The following FAM131A variants were observed in gnomAD, a reference collection of about 807,000 sequenced individuals.
FAM131A encodes the protein protein FAM131A.
A neutral mutation model predicts 39.2 loss-of-function variants in FAM131A; 24 were observed. The observed-to-expected ratio is 0.61, with a 90% confidence interval of 0.44 to 0.86. The LOEUF is 0.86. FAM131A is among the 40% of genes least tolerant of loss of function. The pLI, the probability that FAM131A is intolerant of heterozygous loss-of-function variation, is 0.00. For synonymous variants in FAM131A, 202 were observed against 206.8 expected (o/e 0.98, Z 0.20); for missense variants, 373 against 481.2 (o/e 0.78, Z 2.10).
In FAM131A at chr3:184,344,681, T is replaced by G; in HGVS notation, c.812T>G (p.Leu271Arg). 1 of 1,612,618 alleles carries G rather than the reference T, an allele frequency of 6.2e-7. No homozygotes were observed. Among genetic ancestry groups the G allele is most frequent in the South Asian group, 1.1e-5 (1 of 91,018 alleles). Residue 271 changes from leucine to arginine, a missense_variant, in exon 6 of 6, where the codon CTG becomes CGG. Physicochemically the swap from Leu to Arg is moderately radical, Grantham distance 102. This residue lies in a region of FAM131A where 152 missense variants were observed against 133.5 expected (regional missense o/e 1.14). Coordinates refer to ENST00000383847, the MANE Select transcript of FAM131A (RefSeq NM_144635.5). The part of the protein sequence containing the change: ...EDGLLGSPAR[L>R]ASQLLGDELL... The stretch of plus-strand genomic sequence containing the variant: ...GGGTTGTTGGGCTCCCCGGCCCGGC[T>G]GGCCTCCCAGCTGCTGGGCGATGAG...
intron 2 of FAM131A, chr3:184,341,193 G>C (rs1727360264): frequency 5.9e-6 from 1 of 168,144 alleles, no homozygotes; most frequent in African/African-American, 2.4e-5. Context: ...GTAATGCTGA[G>C]GTTTGGAGCC....
chr3:184,336,479 A>C (rs1268925113), upstream of FAM131A, among the ~76,000 whole-genome samples: 1 of 151,992 alleles, frequency 6.6e-6, no homozygotes, highest in Non-Finnish European at 1.5e-5. This position sits in a 1 kb window ranked among gnomAD's most constrained non-coding sequence, Gnocchi z 5.5. Flanking sequence ...TTGCGCGCCC[A>C]CACACACACT....
chr3:184,341,490 A>G, intron 2 of FAM131A: 1 of 577,786 alleles, frequency 1.7e-6, no homozygotes. Context: ...AAAGTGGAGG[A>G]TTAGCTGAAG....
At chr3:184,344,366 G>T in intron 5 of FAM131A, 129 bp from the exon 6 acceptor site, 1 of 840,894 alleles carries the variant, frequency 1.2e-6, no homozygotes, top group Non-Finnish European at 1.9e-6. Context: ...GTTGTGACTG[G>T]TTCAAGGTTA....
intron 3 of FAM131A, 74 bp downstream of exon 3, chr3:184,341,891 T>A: frequency 6.4e-7 from 1 of 1,552,004 alleles, no homozygotes; most frequent in Non-Finnish European, 8.9e-7. Flanking sequence ...TGGAACTGTT[T>A]CCTGTGAGTA....
In FAM131A at chr3:184,341,792, T is replaced by C. The variant is rs1560242479; in HGVS notation, c.300T>C (p.Ala100=). The change falls in exon 3 of 6, where the codon GCT becomes GCC. Residue 100 remains alanine (A), a synonymous_variant. Coordinates refer to ENST00000383847, the MANE Select transcript of FAM131A (RefSeq NM_144635.5). Reference sequence around the variant, plus strand: ...GAGCCCTAACTATCCAGGAGATCGCTGCGCTGGCCAGGTCCTCCCTGCATG... The same window carrying C: ...GAGCCCTAACTATCCAGGAGATCGCCGCGCTGGCCAGGTCCTCCCTGCATG... ...SRRALTIQEI[A]ALARSSLHGI... is the part of the protein sequence containing the mutation. 1.9e-6 allele frequency: 3 copies of C among 1,613,986 alleles called. No homozygotes were observed. Among genetic ancestry groups the C allele is most frequent in the Non-Finnish European group, 2.5e-6 (3 of 1,180,038 alleles).
chr3:184,345,124 GTGTT>G lies in FAM131A; in HGVS notation c.*157_*160del. On this transcript the variant is annotated 3_prime_UTR_variant, in exon 6 of 6. Transcript: ENST00000383847. ...TCTCCGTTGTGTGTTTTGCATGAAA[GTGTT>G]TGGAGAGGAGGCAGGGGCTGGGCTG... is the stretch of plus-strand genomic sequence containing the variant. 1.3e-6 allele frequency: 1 copy of G among 783,434 alleles called. No homozygotes were observed. The highest frequency in any genetic ancestry group is 1.9e-5 in the South Asian group (1 of 51,448). The allele number at this position is 783,434 out of a possible 1,614,324, so 48.5% of individuals were successfully genotyped here.
Position 184,344,692 on chromosome 3 carries a change from C to A in FAM131A, c.823C>A (p.Leu275Met). 1 of 1,612,388 alleles carries A rather than the reference C, an allele frequency of 6.2e-7. No individual in the cohort carries two copies. Among genetic ancestry groups the A allele is most frequent in the Non-Finnish European group, 8.5e-7 (1 of 1,179,846 alleles). The change falls in exon 6 of 6, where the codon CTG becomes ATG. Residue 275 changes from leucine (L) to methionine (M), a missense_variant. Leu to Met is a conservative substitution (Grantham distance 15). This residue lies in a region of FAM131A where 152 missense variants were observed against 133.5 expected (regional missense o/e 1.14). Transcript: ENST00000383847. ...LGSPARLASQ[L>M]LGDELLLAKL... ...CTCCCCGGCCCGGCTGGCCTCCCAG[C>A]TGCTGGGCGATGAGCTGCTTCTCGC...
rs776295404 is a variant in FAM131A at position 184,344,581 on chromosome 3, G to A, written c.712G>A (p.Val238Met). ...CTCCCGGCCTGTGCGCCAGGGCTCC[G>A]TGGAGCCTGAGAGCGACTGCTCACA... ...RFSRPVRQGS[V>M]EPESDCSQTV... Residue 238 changes from valine (V) to methionine (M), a missense_variant, in exon 6 of 6, where the codon GTG (valine) becomes ATG (methionine). By Grantham distance (21) the Val-to-Met change is conservative (BLOSUM62 1). Transcript: ENST00000383847. The A allele has an allele frequency of 8.1e-6, 13 of 1,610,618 alleles. No homozygotes were observed. The East Asian group carries it at 8.9e-5, about 11-fold the overall frequency.
At chr3:184,344,364 T>A (rs963071540) in intron 5 of FAM131A, 131 bp from the exon 6 acceptor site, 1 of 789,752 alleles carries the variant, frequency 1.3e-6, no homozygotes, top group Non-Finnish European at 2.0e-6. Context: ...AAGTTGTGAC[T>A]GGTTCAAGGT....
chr3:184,343,025 T>C (rs1417318174), intron 5 of FAM131A, 165 bp downstream of exon 5: 5 of 504,748 alleles, frequency 9.9e-6, no homozygotes, highest in Non-Finnish European at 1.8e-5. Context: ...CTGTCCACAC[T>C]CATGGGTGGG....
chr3:184,343,571 C>T (rs1358145813), intron 5 of FAM131A, among the ~76,000 whole-genome samples: 1 of 152,224 alleles, frequency 6.6e-6, no homozygotes, highest in Non-Finnish European at 1.5e-5. Flanking sequence ...CATCCCATAC[C>T]CCTCCAGTGA....
Position 184,338,422 on chromosome 3 carries a change from G to C in FAM131A, c.124G>C (p.Glu42Gln), listed in dbSNP as rs1432725123. ...CCCCGCTTGGGCTGTGGAGTGGATC[G>C]AACTTCCTCGGGGTCTCTCTCTATC... The part of the protein sequence containing the change: ...SDPAWAVEWI[E>Q]LPRGLSLSSL... Residue 42 changes from glutamate to glutamine, a missense_variant, in exon 2 of 6, where the codon GAA (glutamate) becomes CAA (glutamine). Physicochemically the swap from Glu to Gln is conservative, Grantham distance 29. This residue lies in a region of FAM131A where 221 missense variants were observed against 347.7 expected (regional missense o/e 0.64). Coordinates refer to ENST00000383847, the MANE Select transcript of FAM131A (RefSeq NM_144635.5). 8.7e-6 allele frequency: 13 copies of C among 1,488,396 alleles called. No homozygotes were observed. In the African/African-American group the frequency reaches 9.9e-5, roughly 11 times the overall value. The allele number at this position is 1,488,396 out of a possible 1,614,324, so 92.2% of individuals were successfully genotyped here.
chr3:184,336,843 C>T (rs2108539258), upstream of FAM131A, among the ~76,000 whole-genome samples: 2 of 152,368 alleles, frequency 1.3e-5, no homozygotes, highest in South Asian at 4.1e-4. This position sits in a 1 kb window ranked among gnomAD's most constrained non-coding sequence, Gnocchi z 5.5. Context: ...CCTGCCTGGG[C>T]CTCGGTTTCC....
chr3:184,344,860 C>G lies in FAM131A; in HGVS notation c.991C>G (p.Leu331Val). The change falls in exon 6 of 6, where the codon CTC becomes GTC. Residue 331 changes from leucine (L) to valine (V), a missense_variant. Around this residue, in one of 2 missense-constraint regions of FAM131A, gnomAD observed 152 missense variants for 133.5 expected, o/e 1.14. Coordinates refer to ENST00000383847, the MANE Select transcript of FAM131A (RefSeq NM_144635.5). ...AGCCCCCTGCAAGGACTGCCAGCCA[C>G]TCTGCCCACCACTAACGGGCAGCTG... ...EPAPCKDCQPLCPPLTGSWER... is the reference protein window; with the variant it reads ...EPAPCKDCQPVCPPLTGSWER... 6.2e-7 allele frequency: 1 copy of G among 1,611,206 alleles called. No individual in the cohort carries two copies. Among genetic ancestry groups the G allele is most frequent in the Non-Finnish European group, 8.5e-7 (1 of 1,179,864 alleles).
At position 184,341,549 on chromosome 3, in the gene FAM131A, A is replaced by G. The variant is rs186328349; in HGVS notation, c.232-175A>G. 243 of 611,732 alleles carry G rather than the reference A, an allele frequency of 4.0e-4. 2 individuals carry two copies. The African/African-American group carries it at 4.1e-3, about 10-fold the overall frequency. The allele number at this position is 611,732 out of a possible 1,614,324, so 37.9% of individuals were successfully genotyped here. On this transcript the variant is annotated intron_variant, in intron 2 of 5. Coordinates refer to ENST00000383847, the MANE Select transcript of FAM131A (RefSeq NM_144635.5). ...AATCTCCATTGCTTTCTGGGAGGAC[A>G]TAATTCACCTGTCCTAGCTTCTTAT...
chr3:184,344,251 C>T (rs1727508538), intron 5 of FAM131A, among the ~76,000 whole-genome samples: 1 of 152,194 alleles, frequency 6.6e-6, no homozygotes, highest in Non-Finnish European at 1.5e-5. Context: ...TCCCAAAGTG[C>T]TGGGATTACA....
rs909044850 is a variant in FAM131A, at chr3:184,338,368, C to A, written c.89-19C>A. ...CAGAAGTAGGGGCACAGCTCAACAG[C>A]CTTTCCCCTTCCTCTCAGTGTCCTC... On this transcript the variant is annotated intron_variant, in intron 1 of 5. Transcript: ENST00000383847. 1.4e-6 allele frequency: 2 copies of A among 1,430,258 alleles called. No homozygotes were observed. Among genetic ancestry groups the A allele is most frequent in the Non-Finnish European group, 1.8e-6 (2 of 1,094,898 alleles). 88.6% of individuals were successfully genotyped at this position (1,430,258 alleles called of 1,614,324 possible).
chr3:184,345,766 T>C lies in FAM131A; in HGVS notation c.*796T>C. 1 of 584,852 alleles carries C rather than the reference T, an allele frequency of 1.7e-6. No homozygotes were observed. The allele number at this position is 584,852 out of a possible 1,614,324, so 36.2% of individuals were successfully genotyped here. ...GGCTGCCCATTCACGCAGAGCTCTC[T>C]GAGCGGGAGGTGGAAGAAAGGATGG... On this transcript the variant is annotated 3_prime_UTR_variant, in exon 6 of 6. Coordinates refer to ENST00000383847, the MANE Select transcript of FAM131A (RefSeq NM_144635.5).
Sources: gnomAD v4.1 joint callset for allele counts (sites outside exome capture counted in the v4.1 genomes callset) on GRCh38, gnomAD v4.1.1 for gene constraint, gnomAD v4.1.1 regional missense constraint, Gnocchi (gnomAD v3.1) non-coding constraint, MANE v1.5 for transcripts, NCBI Gene and HGNC (gene_info 2026-07-23, HGNC 2026-07-21) for gene names.